ZNF618: variants seen among roughly 807,000 people sequenced by gnomAD.
The protein encoded by ZNF618 is neural precursor cell expressed, developmentally down-regulated 10.
In ZNF618, 34 loss-of-function variants were observed where a neutral mutation model predicts 103.0. The ratio of observed to expected loss-of-function variants is 0.33; its 90% CI spans 0.25 to 0.44. ZNF618 has a LOEUF of 0.44. Ranked by LOEUF, ZNF618 falls within the 20% of genes least tolerant of loss-of-function variation. ZNF618 has a pLI of 1.00. For missense variants in ZNF618, 1,059 were observed against 1,295.4 expected (o/e 0.82, Z 2.80); for synonymous variants, 551 against 542.2 (o/e 1.02, Z -0.23).
intron 1 of ZNF618, among the ~76,000 whole-genome samples, chr9:113,922,278 G>A (rs1436608856): frequency 6.6e-6 from 1 of 152,188 alleles, no homozygotes; most frequent in Non-Finnish European, 1.5e-5. Flanking sequence ...AGTGAAAGTC[G>A]TCATGGGCTC....
rs561207280 is a variant in ZNF618, at chr9:113,884,476, T to A, written c.33+8063T>A. On this transcript the variant is annotated intron_variant, in intron 1 of 14. Coordinates refer to ENST00000374126, the MANE Select transcript of ZNF618 (RefSeq NM_001318042.2). ...AAAAAAGTTTTGTAAAGGGCAAAGTTCTTTTCACTTGCAGCATGTTATTTG... is the reference window on the plus strand; with the variant it reads ...AAAAAAGTTTTGTAAAGGGCAAAGTACTTTTCACTTGCAGCATGTTATTTG... Among the ~76,000 whole-genome samples, 6 of 152,320 alleles carry A rather than the reference T, an allele frequency of 3.9e-5. No individual in the cohort carries two copies. In the East Asian group the frequency reaches 9.6e-4, roughly 24 times the overall value.
chr9:113,981,273 C>T (rs917147812), intron 2 of ZNF618, among the ~76,000 whole-genome samples: 2 of 152,172 alleles, frequency 1.3e-5, no homozygotes, highest in Non-Finnish European at 2.9e-5. Flanking sequence ...GAGTAAATGG[C>T]ACCCTTTGGA....
intron 1 of ZNF618, among the ~76,000 whole-genome samples, chr9:113,879,380 G>GTTT (rs1333621442): frequency 3.2e-5 from 3 of 93,028 alleles, no homozygotes; most frequent in East Asian, 3.6e-4. Context: ...TTGTAGAACT[G>GTTT]TTTTTTTTTT....
chr9:113,943,432 A>G (rs1207887413), intron 1 of ZNF618, among the ~76,000 whole-genome samples: 4 of 152,106 alleles, frequency 2.6e-5, no homozygotes, highest in African/African-American at 4.8e-5. Context: ...TGGCAGCTCT[A>G]TATCCTGAGC....
rs369544492 is a variant in ZNF618, at chr9:114,031,127, C to T, written c.1085-1518C>T. 9.2e-5 allele frequency among the ~76,000 whole-genome samples: 14 copies of T among 152,292 alleles called. No homozygotes were observed. The East Asian group carries it at 1.5e-3, about 17-fold the overall frequency. On this transcript the variant is annotated intron_variant, in intron 11 of 14. Transcript: ENST00000374126. ...TTTTTCACCTGTGAAATGGGAATGA[C>T]AGTGCAGCCCTCACAGGGCTTTTGG...
At chr9:114,033,632 G>A (rs981417679) in intron 12 of ZNF618, among the ~76,000 whole-genome samples, 3 of 152,262 alleles carry the variant, frequency 2.0e-5, no homozygotes, top group South Asian at 2.1e-4. Flanking sequence ...CACCAGACCC[G>A]GGGTCAGCCT....
intron 2 of ZNF618, among the ~76,000 whole-genome samples, chr9:113,980,817 A>G (rs1159925145): frequency 6.6e-6 from 1 of 152,222 alleles, no homozygotes; most frequent in Non-Finnish European, 1.5e-5. Flanking sequence ...GGCTGCTGCT[A>G]GAGGCAGAGT....
At chr9:113,973,184 G>A (rs1372946644) in intron 2 of ZNF618, among the ~76,000 whole-genome samples, 1 of 152,202 alleles carries the variant, frequency 6.6e-6, no homozygotes, top group Non-Finnish European at 1.5e-5. Context: ...TAGAGCATTA[G>A]AGCTCATTTA....
intron 1 of ZNF618, among the ~76,000 whole-genome samples, chr9:113,933,681 A>G (rs1044147448): frequency 2.0e-5 from 3 of 152,182 alleles, no homozygotes; most frequent in Non-Finnish European, 4.4e-5. Context: ...AAGTCAGACA[A>G]TCCACATGGT....
At chr9:113,976,804 C>T (rs1838510105) in intron 2 of ZNF618, among the ~76,000 whole-genome samples, 1 of 152,180 alleles carries the variant, frequency 6.6e-6, no homozygotes, top group Non-Finnish European at 1.5e-5. Context: ...CACATTTTGT[C>T]TGGTGTATTT....
chr9:113,911,388 G>T (rs996067459), intron 1 of ZNF618, among the ~76,000 whole-genome samples: 1 of 152,048 alleles, frequency 6.6e-6, no homozygotes, highest in African/African-American at 2.4e-5. Context: ...GAGTACAATG[G>T]TGCAATCTCG....
chr9:114,035,304 G>C, intron 12 of ZNF618: 1 of 961,050 alleles, frequency 1.0e-6, no homozygotes, highest in Non-Finnish European at 1.2e-6. Flanking sequence ...AGCCAGCCAC[G>C]TGCTCCTGGA....
intron 13 of ZNF618, among the ~76,000 whole-genome samples, chr9:114,039,367 G>T (rs1290121386): frequency 2.2e-5 from 3 of 133,900 alleles, no homozygotes; most frequent in African/African-American, 5.6e-5. Context: ...TTTCCTTTGA[G>T]ACAGAGTCTC....
At chr9:114,004,223 G>T (rs1841522435) in intron 6 of ZNF618, among the ~76,000 whole-genome samples, 2 of 152,168 alleles carry the variant, frequency 1.3e-5, no homozygotes, top group African/African-American at 4.8e-5. Flanking sequence ...CAAAGGAGAG[G>T]CCGGCATGTT....
chr9:113,951,427 G>GTATATATATACACACACACATATA lies in ZNF618; in HGVS notation c.34-17689_34-17688insATATATATACACACACACATATAT, dbSNP rs1554732831. 4.2e-3 allele frequency among the ~76,000 whole-genome samples: 292 copies of GTATATATATACACACACACATATA among 69,824 alleles called. 43 individuals carry two copies. The highest frequency in any genetic ancestry group is 4.8e-3 in the Non-Finnish European group (172 of 35,910). 45.8% of individuals were successfully genotyped at this position (69,824 alleles called of 152,430 possible). ...CGTATATATACACACATATATGTGT[G>GTATATATATACACACACACATATA]TGTGTATATATATACATATATGTGT... On this transcript the variant is annotated intron_variant, in intron 1 of 14. Transcript: ENST00000374126.
intron 1 of ZNF618, among the ~76,000 whole-genome samples, chr9:113,965,171 G>C (rs1030608646): frequency 6.6e-6 from 1 of 152,008 alleles, no homozygotes; most frequent in Non-Finnish European, 1.5e-5. Context: ...AATTAAAAAA[G>C]GGTTTATTTT....
In ZNF618 at chr9:114,055,640, T is replaced by G. The variant is rs1846430240; in HGVS notation, c.*5473T>G. The G allele has an allele frequency of 6.9e-6, 1 of 145,618 alleles. No homozygotes were observed. Among genetic ancestry groups the G allele is most frequent in the Non-Finnish European group, 1.5e-5 (1 of 66,442 alleles). 9.0% of individuals were successfully genotyped at this position (145,618 alleles called of 1,614,324 possible). A position where few individuals can be genotyped will look rare whatever the true frequency, so the allele number is the denominator to read the frequency against. On this transcript the variant is annotated 3_prime_UTR_variant, in exon 15 of 15. Transcript: ENST00000374126. Reference sequence around the variant, plus strand: ...GCATCCTTTCTCAGTAGTTAAGACGTTCTAGGCAATACCATAGACACATCT... The same window carrying G: ...GCATCCTTTCTCAGTAGTTAAGACGGTCTAGGCAATACCATAGACACATCT...
intron 1 of ZNF618, among the ~76,000 whole-genome samples, chr9:113,968,363 A>G (rs1361545062): frequency 6.6e-6 from 1 of 152,190 alleles, no homozygotes; most frequent in South Asian, 2.1e-4. Flanking sequence ...GTATTATCCT[A>G]TGATTCTTAT....
At chr9:113,965,030 C>G (rs955087222) in intron 1 of ZNF618, among the ~76,000 whole-genome samples, 2 of 146,636 alleles carry the variant, frequency 1.4e-5, no homozygotes, top group Non-Finnish European at 3.0e-5. Context: ...TATAAGACAG[C>G]TTAGCTGCTA....
Sources: gnomAD v4.1 joint callset for allele counts (sites outside exome capture counted in the v4.1 genomes callset) on GRCh38, gnomAD v4.1.1 for gene constraint, MANE v1.5 for transcripts, NCBI Gene and HGNC (gene_info 2026-07-23, HGNC 2026-07-21) for gene names.